The following DLGAP2 variants were observed in gnomAD, a reference collection of about 807,000 sequenced individuals.
The protein encoded by DLGAP2 is disks large-associated protein 2.
A neutral mutation model predicts 100.3 loss-of-function variants in DLGAP2; 26 were observed. The ratio of observed to expected loss-of-function variants is 0.26; its 90% CI spans 0.19 to 0.36. The LOEUF is 0.36. Ranked by LOEUF, DLGAP2 falls within the 10% of genes least tolerant of loss-of-function variation. The pLI is 1.00. For synonymous variants in DLGAP2, 886 were observed against 630.1 expected, an observed-to-expected ratio of 1.41 and a Z score of -6.08; for missense variants, 1,858 against 1,453.2, an observed-to-expected ratio of 1.28 and a Z score of -4.53.
chr8:1,209,497 C>G (rs1798061256), intron 2 of DLGAP2, among the ~76,000 whole-genome samples: 1 of 152,184 alleles, frequency 6.6e-6, no homozygotes, highest in Non-Finnish European at 1.5e-5. Context: ...GCTGTTCTGT[C>G]AATGTTTCTT....
At chr8:895,628 G>T (rs892301359) in intron 1 of DLGAP2, among the ~76,000 whole-genome samples, 1 of 152,212 alleles carries the variant, frequency 6.6e-6, no homozygotes, top group African/African-American at 2.4e-5. Context: ...GTTTTGAGCA[G>T]AATAATGCAG....
intron 3 of DLGAP2, among the ~76,000 whole-genome samples, chr8:1,328,144 A>AT (rs1204269346): frequency 1.3e-5 from 2 of 151,970 alleles, no homozygotes; most frequent in African/African-American, 4.8e-5. Flanking sequence ...GGTTCAAGCT[A>AT]TTCTCCTGCC....
At chr8:1,166,325 A>C (rs778686095) in intron 2 of DLGAP2, among the ~76,000 whole-genome samples, 1 of 152,116 alleles carries the variant, frequency 6.6e-6, no homozygotes. Context: ...CCCGGCCTAT[A>C]ATTATCCTCT....
intron 6 of DLGAP2, among the ~76,000 whole-genome samples, chr8:1,591,655 G>T (rs972498957): frequency 3.3e-5 from 5 of 152,150 alleles, no homozygotes; most frequent in African/African-American, 1.2e-4. Flanking sequence ...TTGACCTGCA[G>T]GAAATATGCG....
rs571271917 is a variant in DLGAP2 at position 1,173,869 on chromosome 8, G to A, written c.74-84982G>A. Among the ~76,000 whole-genome samples, 28 of 152,262 alleles carry A rather than the reference G, an allele frequency of 1.8e-4. No homozygotes were observed. In the East Asian group the frequency reaches 2.3e-3, roughly 13 times the overall value. On this transcript the variant is annotated intron_variant, in intron 2 of 14. Transcript: ENST00000637795. ...AATGCGTCGCCCTGCTTCGGCTCCC[G>A]CACGGTGCACGCACCCACTGACCTG...
chr8:1,353,213 T>A (rs911299695), intron 3 of DLGAP2, among the ~76,000 whole-genome samples: 1 of 152,206 alleles, frequency 6.6e-6, no homozygotes, highest in Non-Finnish European at 1.5e-5. Flanking sequence ...CTTCCTTCCA[T>A]CTCAGCTCCC....
At chr8:1,136,831 A>G (rs11782441) in intron 2 of DLGAP2, among the ~76,000 whole-genome samples, 134,918 of 152,194 alleles carry the variant, frequency 0.89, 59,897 homozygotes, top group Middle Eastern at 0.92. Flanking sequence ...CTCCAGAATG[A>G]CCATTTTTAA....
chr8:1,548,989 C>T lies in DLGAP2; in HGVS notation c.536C>T (p.Ala179Val). 6.3e-7 allele frequency: 1 copy of T among 1,598,892 alleles called. No homozygotes were observed. Among genetic ancestry groups the T allele is most frequent in the Non-Finnish European group, 8.5e-7 (1 of 1,179,074 alleles). The change falls in exon 5 of 15, where the codon GCC (alanine) becomes GTC (valine). Residue 179 changes from alanine to valine, a missense_variant. Coordinates refer to ENST00000637795, the MANE Select transcript of DLGAP2 (RefSeq NM_001346810.2). ...GACACGCGCGACGACTGCGCTGTGG[C>T]CCACGCGGGCGCCAAGATCAACCGC... ...HYDTRDDCAVAHAGAKINRIP... is the reference protein window; with the variant it reads ...HYDTRDDCAVVHAGAKINRIP...
chr8:1,632,914 G>A lies in DLGAP2; in HGVS notation c.1678G>A (p.Asp560Asn), dbSNP rs748493812. The change falls in exon 8 of 15, where the codon GAC becomes AAC. Residue 560 changes from aspartate to asparagine, a missense_variant. Physicochemically the swap from Asp to Asn is conservative, Grantham distance 23 (BLOSUM62 1). Coordinates refer to ENST00000637795, the MANE Select transcript of DLGAP2 (RefSeq NM_001346810.2). Reference sequence around the variant, plus strand: ...TGAATCTCAGGCCATGGATGCCCTCGACCTCCCGGGATGTTTCCGAACAAG... The same window carrying A: ...TGAATCTCAGGCCATGGATGCCCTCAACCTCCCGGGATGTTTCCGAACAAG... ...EVESQAMDAL[D>N]LPGCFRTRSH... The A allele has an allele frequency of 4.2e-5, 67 of 1,613,790 alleles. 1 individual carries two copies. The South Asian group carries it at 4.5e-4, about 11-fold the overall frequency.
At chr8:1,482,677 C>A (rs1430112063) in intron 3 of DLGAP2, among the ~76,000 whole-genome samples, 1 of 152,212 alleles carries the variant, frequency 6.6e-6, no homozygotes, top group Non-Finnish European at 1.5e-5. Context: ...GCGGTGGTTC[C>A]CACGGCCGCC....
intron 7 of DLGAP2, among the ~76,000 whole-genome samples, chr8:1,627,998 G>C (rs949296987): frequency 7.6e-6 from 1 of 131,436 alleles, no homozygotes; most frequent in Non-Finnish European, 1.6e-5. Context: ...GGGATTAAGA[G>C]CTTGAGCCGA....
chr8:797,053 C>T (rs1796050520), intron 1 of DLGAP2, among the ~76,000 whole-genome samples: 1 of 152,176 alleles, frequency 6.6e-6, no homozygotes, highest in Non-Finnish European at 1.5e-5. Context: ...ATATTACTTT[C>T]TTGTTTTTTA....
intron 3 of DLGAP2, among the ~76,000 whole-genome samples, chr8:1,312,418 C>A (rs952503581): frequency 2.6e-5 from 4 of 152,178 alleles, no homozygotes; most frequent in Non-Finnish European, 5.9e-5. Context: ...TTGACAACAT[C>A]TTTGCAAATC....
chr8:1,050,863 G>T (rs35140449), intron 2 of DLGAP2, among the ~76,000 whole-genome samples: 1 of 151,888 alleles, frequency 6.6e-6, no homozygotes, highest in South Asian at 2.1e-4. Flanking sequence ...ATTTCCATGC[G>T]GCAGTGTGTG....
At chr8:820,249 G>C (rs182164967) in intron 1 of DLGAP2, among the ~76,000 whole-genome samples, 1 of 152,286 alleles carries the variant, frequency 6.6e-6, no homozygotes, top group East Asian at 1.9e-4. Context: ...GTTACTGAAA[G>C]TCTAACAGAA....
chr8:1,342,500 G>A (rs1585278302), intron 3 of DLGAP2, among the ~76,000 whole-genome samples: 1 of 124,882 alleles, frequency 8.0e-6, no homozygotes, highest in South Asian at 3.2e-4. Flanking sequence ...GGGCCAAGTA[G>A]TTAATAGTTT....
intron 2 of DLGAP2, among the ~76,000 whole-genome samples, chr8:1,195,742 C>T (rs922077794): frequency 6.6e-6 from 1 of 152,194 alleles, no homozygotes; most frequent in Non-Finnish European, 1.5e-5. Flanking sequence ...TTTAGTTACA[C>T]AGATAATCGC....
At chr8:1,566,718 T>A (rs1371622454) in intron 6 of DLGAP2, among the ~76,000 whole-genome samples, 1 of 152,178 alleles carries the variant, frequency 6.6e-6, no homozygotes, top group Non-Finnish European at 1.5e-5. Context: ...CCCTGTATTG[T>A]CTCTATCCAC....
At chr8:1,664,765 G>T (rs1004728554) in intron 8 of DLGAP2, among the ~76,000 whole-genome samples, 1 of 152,196 alleles carries the variant, frequency 6.6e-6, no homozygotes, top group African/African-American at 2.4e-5. Flanking sequence ...CAACTTTTAC[G>T]AAAGTCAGTC....
Sources: allele counts gnomAD v4.1 joint callset (sites outside exome capture counted in the v4.1 genomes callset), GRCh38; gene constraint gnomAD v4.1.1; transcripts MANE v1.5; gene names NCBI Gene and HGNC (gene_info 2026-07-23, HGNC 2026-07-21).